Variants in ESD observed in about 807,000 individuals in gnomAD.
ESD encodes the protein S-formylglutathione hydrolase.
ESD carries 34 observed loss-of-function variants against 38.1 expected under a neutral mutation model. That is an observed-to-expected ratio of 0.89 (90% CI 0.68 to 1.19). The LOEUF is 1.19. ESD is among the 50% of genes most tolerant of loss of function. The probability of loss-of-function intolerance (pLI) is 0.00; values close to 1 mark genes in which losing one functional copy is unlikely to be tolerated. For synonymous variants in ESD, 97 were observed against 107.0 expected, an observed-to-expected ratio of 0.91 and a Z score of 0.58; for missense variants, 334 against 327.2, an observed-to-expected ratio of 1.02 and a Z score of -0.16.
chr13:46,783,089 G>A (rs932796405), intron 5 of ESD, among the ~76,000 whole-genome samples: 5 of 151,898 alleles, frequency 3.3e-5, no homozygotes, highest in African/African-American at 1.2e-4. Flanking sequence ...TATGTACTCT[G>A]AACATATGTT....
chr13:46,782,884 A>AGAT, intron 5 of ESD, 93 bp from the exon 6 acceptor site: 1 of 1,463,400 alleles, frequency 6.8e-7, no homozygotes, highest in Non-Finnish European at 9.3e-7. Context: ...GTCCATTTGC[A>AGAT]TGGGAACTGT....
chr13:46,790,381 A>T (rs1875353940), intron 3 of ESD, among the ~76,000 whole-genome samples: 1 of 152,162 alleles, frequency 6.6e-6, no homozygotes, highest in Non-Finnish European at 1.5e-5. Flanking sequence ...CTTTGTTGGC[A>T]AATCTCAGTA....
chr13:46,789,539 T>C (rs1875316819), intron 3 of ESD, among the ~76,000 whole-genome samples: 1 of 143,968 alleles, frequency 6.9e-6, no homozygotes, highest in African/African-American at 2.6e-5. Flanking sequence ...TTTTCATCCA[T>C]TGTACTAGAC....
chr13:46,796,136 T>C (rs1055294133), intron 1 of ESD, among the ~76,000 whole-genome samples: 44 of 152,200 alleles, frequency 2.9e-4, no homozygotes, highest in African/African-American at 1.1e-3. Context: ...CTCCCTATTT[T>C]GTTAGTTAAA....
At chr13:46,791,240 A>C (rs1875385500) in intron 3 of ESD, 106 bp downstream of exon 3, 1 of 776,886 alleles carries the variant, frequency 1.3e-6, no homozygotes, top group South Asian at 1.8e-5. Flanking sequence ...AGCAAGTTTA[A>C]AAGTAAAATG....
chr13:46,773,516 A>G (rs542769441), intron 9 of ESD, among the ~76,000 whole-genome samples: 3 of 152,230 alleles, frequency 2.0e-5, no homozygotes, highest in Non-Finnish European at 4.4e-5. Context: ...AAAGATGGGA[A>G]TTTTTCTAAG....
chr13:46,795,679 G>GA lies in ESD; in HGVS notation c.-56+1425dup, dbSNP rs1405696882. Among the ~76,000 whole-genome samples, 5 of 151,444 alleles carry GA rather than the reference G, an allele frequency of 3.3e-5. No homozygotes were observed. In the South Asian group the frequency reaches 6.2e-4, roughly 19 times the overall value. ...AAAATTAAAACCATGCAGGATCACT[G>GA]AAAAAATAGATGAATAAAACTCCAT... On this transcript the variant is annotated intron_variant, in intron 1 of 9. Transcript: ENST00000378720.
chr13:46,793,241 T>C (rs1875458719), intron 2 of ESD, among the ~76,000 whole-genome samples, 156 bp downstream of exon 2: 1 of 152,176 alleles, frequency 6.6e-6, no homozygotes. Context: ...AGATATGACA[T>C]ACTGTGATAT....
At chr13:46,796,748 G>C (rs931349156) in intron 1 of ESD, among the ~76,000 whole-genome samples, 1 of 152,244 alleles carries the variant, frequency 6.6e-6, no homozygotes, top group Non-Finnish European at 1.5e-5. Context: ...CTTAAAATGC[G>C]TACACATCTA....
At position 46,771,402 on chromosome 13, in the gene ESD, T is replaced by C. The variant is rs1248103671; in HGVS notation, c.*14A>G. On this transcript the variant is annotated 3_prime_UTR_variant, in exon 10 of 10. Coordinates refer to ENST00000378720, the MANE Select transcript of ESD (RefSeq NM_001984.2). Reference sequence around the variant, plus strand: ...TTTTATAATCCTGAAGAGATTCTCTTATTTGGAGTTTTTTCATGCATTCAG... The same window carrying C: ...TTTTATAATCCTGAAGAGATTCTCTCATTTGGAGTTTTTTCATGCATTCAG... 6.5e-7 allele frequency: 1 copy of C among 1,547,880 alleles called. No individual in the cohort carries two copies. The highest frequency in any genetic ancestry group is 1.1e-5 in the South Asian group (1 of 87,622).
At chr13:46,794,409 A>G (rs910839407) in intron 1 of ESD, among the ~76,000 whole-genome samples, 3 of 152,086 alleles carry the variant, frequency 2.0e-5, no homozygotes, top group African/African-American at 7.2e-5. Flanking sequence ...ATCATGACTC[A>G]GTGTAACCTA....
chr13:46,792,705 A>G (rs892243297), intron 2 of ESD, among the ~76,000 whole-genome samples: 1 of 152,046 alleles, frequency 6.6e-6, no homozygotes, highest in African/African-American at 2.4e-5. Context: ...CTTTTAATCT[A>G]TAAAAGATTA....
At chr13:46,774,266 T>C (rs937345128) in intron 9 of ESD, among the ~76,000 whole-genome samples, 17 of 152,116 alleles carry the variant, frequency 1.1e-4, no homozygotes, top group African/African-American at 4.1e-4. Flanking sequence ...GATTCACCTA[T>C]ATGAGAAAGA....
chr13:46,775,693 C>T (rs540633412), intron 9 of ESD: 1 of 469,682 alleles, frequency 2.1e-6, no homozygotes, highest in East Asian at 7.0e-5. Context: ...CCCGACCATG[C>T]TGGAAGTAAA....
intron 9 of ESD, chr13:46,775,838 G>T: frequency 3.6e-6 from 1 of 278,692 alleles, no homozygotes; most frequent in South Asian, 3.3e-5. Context: ...TAGTTGCTTG[G>T]GATACAGGCA....
At chr13:46,774,970 T>C (rs1421229674) in intron 9 of ESD, among the ~76,000 whole-genome samples, 1 of 152,162 alleles carries the variant, frequency 6.6e-6, no homozygotes, top group Non-Finnish European at 1.5e-5. Flanking sequence ...TTCAAAAAGG[T>C]CCTGAGACTT....
intron 5 of ESD, 127 bp from the exon 6 acceptor site, chr13:46,782,918 G>A: frequency 8.8e-7 from 1 of 1,133,694 alleles, no homozygotes; most frequent in South Asian, 1.5e-5. Context: ...TGAGCTCTCT[G>A]CCTTTTGGAG....
chr13:46,793,514 A>G (rs1266080432), intron 1 of ESD, 70 bp from the exon 2 acceptor site: 1 of 152,562 alleles, frequency 6.6e-6, no homozygotes, highest in Admixed American at 6.5e-5. Context: ...GAGCTTTTAT[A>G]TGCATATGCA....
chr13:46,794,129 C>A (rs1167713465), intron 1 of ESD, among the ~76,000 whole-genome samples: 1 of 147,742 alleles, frequency 6.8e-6, no homozygotes, highest in Admixed American at 6.9e-5. Context: ...TACCAAAAAA[C>A]CAAACAACAC....
Sources: allele counts gnomAD v4.1 joint callset (sites outside exome capture counted in the v4.1 genomes callset), GRCh38; gene constraint gnomAD v4.1.1; transcripts MANE v1.5; gene names NCBI Gene and HGNC (gene_info 2026-07-23, HGNC 2026-07-21).